The following MED30 variants were observed in gnomAD, a reference collection of about 807,000 sequenced individuals.
MED30 encodes the protein mediator of RNA polymerase II transcription subunit 30.
A neutral mutation model predicts 21.7 loss-of-function variants in MED30; 8 were observed. The observed-to-expected ratio is 0.37, with a 90% CI of 0.22 to 0.67. MED30 has a LOEUF of 0.67. Among genes scored for constraint, MED30 ranks in the 30% least tolerant of loss-of-function variants. MED30 has a pLI of 0.58. For missense variants in MED30, 203 were observed against 228.2 expected, an observed-to-expected ratio of 0.89 and a Z score of 0.71; for synonymous variants, 79 against 86.7, an observed-to-expected ratio of 0.91 and a Z score of 0.49.
chr8:117,525,387 T>G (rs1818703770), intron 1 of MED30, among the ~76,000 whole-genome samples: 1 of 151,898 alleles, frequency 6.6e-6, no homozygotes, highest in Non-Finnish European at 1.5e-5. Context: ...ATTGTAGGAT[T>G]TAGCTATTTA....
chr8:117,523,594 C>G, intron 1 of MED30: 5 of 1,601,992 alleles, frequency 3.1e-6, no homozygotes, highest in Non-Finnish European at 4.3e-6. Flanking sequence ...CTTCACGTAG[C>G]CTCAGGACTT....
chr8:117,533,176 C>T (rs576232979), intron 3 of MED30, among the ~76,000 whole-genome samples: 49 of 152,022 alleles, frequency 3.2e-4, no homozygotes, highest in Non-Finnish European at 6.8e-4. Context: ...TTACATTTCT[C>T]TTCAATTTTC....
chr8:117,532,154 A>G (rs1818800840), intron 3 of MED30, among the ~76,000 whole-genome samples: 1 of 152,044 alleles, frequency 6.6e-6, no homozygotes, highest in Non-Finnish European at 1.5e-5. Flanking sequence ...AGCAATACAT[A>G]TTATAAAAAT....
intron 3 of MED30, among the ~76,000 whole-genome samples, chr8:117,538,752 G>T (rs1207426167): frequency 6.6e-6 from 1 of 152,142 alleles, no homozygotes; most frequent in Non-Finnish European, 1.5e-5. Flanking sequence ...TGGTTAAAAA[G>T]AAGTCTACAA....
At chr8:117,521,226 G>C (rs937647008) in intron 1 of MED30, among the ~76,000 whole-genome samples, 173 bp downstream of exon 1, 1 of 152,178 alleles carries the variant, frequency 6.6e-6, no homozygotes, top group Non-Finnish European at 1.5e-5. Context: ...ATTTGTAGAG[G>C]TGATGTTTTC....
chr8:117,536,360 AATTAT>A (rs1416246191), intron 3 of MED30, among the ~76,000 whole-genome samples: 1 of 152,206 alleles, frequency 6.6e-6, no homozygotes, highest in Non-Finnish European at 1.5e-5. Flanking sequence ...TTTATAATAA[AATTAT>A]ATTATTTGCA....
At chr8:117,535,239 CTTT>C (rs957435711) in intron 3 of MED30, among the ~76,000 whole-genome samples, 3 of 125,766 alleles carry the variant, frequency 2.4e-5, no homozygotes, top group African/African-American at 6.0e-5. Flanking sequence ...TCCATTGATA[CTTT>C]TTTTTTTTTT....
chr8:117,537,990 A>G lies in MED30; in HGVS notation c.442-1893A>G, dbSNP rs554708615. Among the ~76,000 whole-genome samples, 12 of 152,284 alleles carry G rather than the reference A, an allele frequency of 7.9e-5. No homozygotes were observed. The East Asian group carries it at 2.3e-3, about 29-fold the overall frequency. ...CAGCCTCCCAATATAGCACTTTTAT[A>G]TTCCTCTGTTTTGCTGCTACTCTTG... is the stretch of plus-strand genomic sequence containing the variant. On this transcript the variant is annotated intron_variant, in intron 3 of 3. Coordinates refer to ENST00000297347, the MANE Select transcript of MED30 (RefSeq NM_080651.4).
chr8:117,522,815 T>G (rs10102741), intron 1 of MED30, among the ~76,000 whole-genome samples: 5,936 of 152,212 alleles, frequency 0.039, 363 homozygotes, highest in African/African-American at 0.13. Flanking sequence ...ATGAATAAAG[T>G]ACGGATTAAA....
chr8:117,528,075 T>C (rs1563789299), intron 1 of MED30, among the ~76,000 whole-genome samples: 2 of 151,904 alleles, frequency 1.3e-5, no homozygotes, highest in African/African-American at 2.4e-5. Context: ...ATTAATGGTG[T>C]TCAAGTATAG....
intron 1 of MED30, chr8:117,523,296 T>C (rs1208164790): frequency 1.5e-6 from 2 of 1,309,730 alleles, no homozygotes; most frequent in African/African-American, 2.9e-5. Flanking sequence ...CACGACCAAA[T>C]CCGCCTCTAA....
chr8:117,533,554 C>T (rs376120751), intron 3 of MED30, among the ~76,000 whole-genome samples: 80 of 152,138 alleles, frequency 5.3e-4, no homozygotes, highest in African/African-American at 1.8e-3. Flanking sequence ...ATTGCTAAGC[C>T]GCATAGTATA....
intron 3 of MED30, among the ~76,000 whole-genome samples, chr8:117,532,694 G>C (rs1478676527): frequency 6.6e-6 from 1 of 152,038 alleles, no homozygotes; most frequent in African/African-American, 2.4e-5. Flanking sequence ...AAGATGGATA[G>C]ATTTTATAAA....
chr8:117,530,180 C>T (rs552304780), intron 2 of MED30, among the ~76,000 whole-genome samples: 17 of 152,000 alleles, frequency 1.1e-4, no homozygotes, highest in East Asian at 9.6e-4. Flanking sequence ...CTCACAACTG[C>T]GAAAACTTAA....
intron 3 of MED30, among the ~76,000 whole-genome samples, chr8:117,536,965 A>G (rs1195619484): frequency 6.6e-6 from 1 of 152,188 alleles, no homozygotes; most frequent in Non-Finnish European, 1.5e-5. Flanking sequence ...AAGCTTACAA[A>G]TTTGTATTGG....
At chr8:117,532,428 A>G (rs1275045415) in intron 3 of MED30, among the ~76,000 whole-genome samples, 1 of 152,032 alleles carries the variant, frequency 6.6e-6, no homozygotes, top group Non-Finnish European at 1.5e-5. Context: ...GGTGTATAAT[A>G]CTGGCACAAG....
intron 1 of MED30, among the ~76,000 whole-genome samples, chr8:117,522,528 T>G (rs1818642866): frequency 6.6e-6 from 1 of 152,138 alleles, no homozygotes; most frequent in African/African-American, 2.4e-5. Context: ...TTCAGAGAGA[T>G]AAAGTGACTT....
chr8:117,523,340 C>T (rs569977555), intron 1 of MED30: 24 of 1,488,662 alleles, frequency 1.6e-5, no homozygotes, highest in Middle Eastern at 2.4e-4. Context: ...GCCCCAGTCT[C>T]GGCTTTCTTG....
At chr8:117,528,361 T>C (rs1170925226) in intron 1 of MED30, among the ~76,000 whole-genome samples, 1 of 151,956 alleles carries the variant, frequency 6.6e-6, no homozygotes, top group Admixed American at 6.6e-5. Flanking sequence ...TGTAAATTTT[T>C]TTTTAAAGTT....
Sources: gnomAD v4.1 joint callset for allele counts (sites outside exome capture counted in the v4.1 genomes callset) on GRCh38, gnomAD v4.1.1 for gene constraint, MANE v1.5 for transcripts, NCBI Gene and HGNC (gene_info 2026-07-23, HGNC 2026-07-21) for gene names.